FHIT: variants seen among roughly 807,000 people sequenced by gnomAD.
FHIT encodes bis(5'-adenosyl)-triphosphatase.
FHIT carries 19 observed loss-of-function variants against 17.9 expected under a neutral mutation model. That is an observed-to-expected ratio of 1.06 (90% CI 0.74 to 1.56). The LOEUF (loss-of-function observed/expected upper bound fraction) is 1.56. Among genes scored for constraint, FHIT ranks in the 40% most tolerant of loss-of-function variants. The pLI, the probability that FHIT is intolerant of heterozygous loss-of-function variation, is 0.00. For synonymous variants in FHIT, 81 were observed against 69.7 expected, an observed-to-expected ratio of 1.16 and a Z score of -0.81; for missense variants, 248 against 189.2, an observed-to-expected ratio of 1.31 and a Z score of -1.82.
chr3:60,844,662 T>C (rs943809940), intron 3 of FHIT, among the ~76,000 whole-genome samples: 1 of 152,308 alleles, frequency 6.6e-6, no homozygotes, highest in Admixed American at 6.5e-5. Flanking sequence ...AAAATCACAC[T>C]TTGGCTTTTT....
intron 5 of FHIT, among the ~76,000 whole-genome samples, chr3:60,149,916 T>C (rs1399227038): frequency 2.0e-5 from 3 of 151,432 alleles, no homozygotes; most frequent in Non-Finnish European, 4.4e-5. Context: ...AGAAATAATG[T>C]CTTCTGCTGG....
intron 4 of FHIT, among the ~76,000 whole-genome samples, chr3:60,743,021 G>A (rs1279536741): frequency 2.6e-5 from 4 of 152,182 alleles, no homozygotes; most frequent in African/African-American, 9.7e-5. Flanking sequence ...AAGAGCTAAC[G>A]CTAGGAGAGT....
At chr3:60,165,364 C>T (rs942717148) in intron 5 of FHIT, among the ~76,000 whole-genome samples, 2 of 152,182 alleles carry the variant, frequency 1.3e-5, no homozygotes, top group East Asian at 1.9e-4. Flanking sequence ...TTCAGCGCAA[C>T]TGTCATTTGG....
chr3:60,129,070 T>TTTTTG (rs1491075467), intron 5 of FHIT, among the ~76,000 whole-genome samples: 1 of 144,442 alleles, frequency 6.9e-6, no homozygotes, highest in African/African-American at 2.6e-5. Flanking sequence ...TTTTTTTTTT[T>TTTTTG]GAAACAGAGT....
At chr3:60,873,823 G>T (rs1220657313) in intron 3 of FHIT, among the ~76,000 whole-genome samples, 3 of 152,146 alleles carry the variant, frequency 2.0e-5, no homozygotes, top group Non-Finnish European at 2.9e-5. Flanking sequence ...TGTTTCAACA[G>T]CAAAGCCCTT....
At chr3:61,035,149 G>C (rs1223625630) in intron 3 of FHIT, among the ~76,000 whole-genome samples, 2 of 152,196 alleles carry the variant, frequency 1.3e-5, no homozygotes, top group African/African-American at 4.8e-5. Flanking sequence ...GAAATGAGGA[G>C]AAGCTGCATT....
chr3:60,701,583 T>C (rs1553702162), intron 4 of FHIT, among the ~76,000 whole-genome samples: 1 of 152,090 alleles, frequency 6.6e-6, no homozygotes, highest in African/African-American at 2.4e-5. Flanking sequence ...CAAGACCAGA[T>C]GAGTCAGTTT....
At chr3:60,836,508 T>A (rs1365784347) in intron 3 of FHIT, among the ~76,000 whole-genome samples, 1 of 152,152 alleles carries the variant, frequency 6.6e-6, no homozygotes, top group East Asian at 1.9e-4. Context: ...GGAATTTGTG[T>A]TTTTGAGGAA....
intron 8 of FHIT, among the ~76,000 whole-genome samples, chr3:59,917,075 C>T (rs1825630): frequency 0.45 from 68,987 of 152,152 alleles, 15,894 homozygotes; most frequent in East Asian, 0.5. Flanking sequence ...AGTTCAACAA[C>T]AAATATCATC....
chr3:60,584,916 A>G (rs1452503235), intron 4 of FHIT, among the ~76,000 whole-genome samples: 1 of 151,854 alleles, frequency 6.6e-6, no homozygotes, highest in Non-Finnish European at 1.5e-5. Flanking sequence ...TCCTGGTCTC[A>G]CTCCACTAAA....
rs1301256877 is a variant in FHIT, at chr3:60,119,939, C to A, written c.104-105787G>T. On this transcript the variant is annotated intron_variant, in intron 5 of 9. Transcript: ENST00000492590. ...AATACCATCAAATGGCATTTAGGGT[C>A]CTGTGAAATCTGTCCTTACCCTGCC... 2.6e-5 allele frequency among the ~76,000 whole-genome samples: 4 copies of A among 152,128 alleles called. No homozygotes were observed. The East Asian group carries it at 5.8e-4, about 22-fold the overall frequency.
intron 5 of FHIT, among the ~76,000 whole-genome samples, chr3:60,226,626 G>T (rs75221196): frequency 6.6e-6 from 1 of 152,150 alleles, no homozygotes; most frequent in African/African-American, 2.4e-5. Context: ...ACGTGTCCAG[G>T]CTGAAAGGAA....
At chr3:60,239,631 G>C (rs1705022460) in intron 5 of FHIT, among the ~76,000 whole-genome samples, 1 of 151,942 alleles carries the variant, frequency 6.6e-6, no homozygotes, top group Non-Finnish European at 1.5e-5. Flanking sequence ...AGAGTTCCTA[G>C]GATCTCCACT....
chr3:60,730,325 C>A, intron 4 of FHIT: 1 of 263,832 alleles, frequency 3.8e-6, no homozygotes, highest in South Asian at 5.4e-5. Context: ...TCCCCAATAT[C>A]AATGGTGAAT....
At chr3:61,134,533 A>C (rs1446276621) in intron 2 of FHIT, among the ~76,000 whole-genome samples, 1 of 152,172 alleles carries the variant, frequency 6.6e-6, no homozygotes, top group Admixed American at 6.5e-5. Flanking sequence ...ATCTCTTCAA[A>C]GGAAGGAGAA....
In FHIT at chr3:59,960,994, C is replaced by T. The variant is rs370942369; in HGVS notation, c.280-38580G>A. 6.6e-5 allele frequency among the ~76,000 whole-genome samples: 10 copies of T among 152,256 alleles called. No individual in the cohort carries two copies. In the East Asian group the frequency reaches 1.7e-3, roughly 27 times the overall value. ...AAGGACTATCTTTGAGACTCTAAGA[C>T]GATTCTTGATTCATTCATTTCGTGA... On this transcript the variant is annotated intron_variant, in intron 7 of 9. Transcript: ENST00000492590.
intron 5 of FHIT, among the ~76,000 whole-genome samples, chr3:60,349,859 G>A (rs1710995569): frequency 6.6e-6 from 1 of 152,066 alleles, no homozygotes; most frequent in Admixed American, 6.6e-5. Flanking sequence ...ACATCACATA[G>A]CCCCTTCCAG....
chr3:59,958,054 A>T (rs1270548815), intron 7 of FHIT, among the ~76,000 whole-genome samples: 2 of 152,234 alleles, frequency 1.3e-5, no homozygotes, highest in Non-Finnish European at 2.9e-5. Flanking sequence ...TACCATATGC[A>T]AGAGCAGGAT....
intron 5 of FHIT, among the ~76,000 whole-genome samples, chr3:60,470,080 C>CTCTCTCTCTCTCTCTCTCTCTCTCT (rs370993192): frequency 2.6e-5 from 4 of 151,098 alleles, no homozygotes; most frequent in African/African-American, 9.8e-5. Flanking sequence ...CTCTCTCTCT[C>CTCTCTCTCTCTCTCTCTCTCTCTCT]CAGAGCTGCC....
Sources: allele counts gnomAD v4.1 joint callset (sites outside exome capture counted in the v4.1 genomes callset), GRCh38; gene constraint gnomAD v4.1.1; transcripts MANE v1.5; gene names NCBI Gene and HGNC (gene_info 2026-07-23, HGNC 2026-07-21).